TP63: variants seen among roughly 807,000 people sequenced by gnomAD.
TP63 encodes the protein tumor protein p63.
In TP63, 17 loss-of-function variants were observed where a neutral mutation model predicts 82.8. That is an observed-to-expected ratio of 0.21 (90% CI 0.14 to 0.31). TP63 has a LOEUF of 0.31. TP63 is among the 10% of genes least tolerant of loss of function. TP63 has a pLI of 1.00. For synonymous variants in TP63, 330 were observed against 321.7 expected (o/e 1.03, Z -0.28); for missense variants, 648 against 895.3 (o/e 0.72, Z 3.52).
At chr3:189,881,484 G>A (rs1719905925) in intron 10 of TP63, 1 of 985,180 alleles carries the variant, frequency 1.0e-6, no homozygotes, top group African/African-American at 1.7e-5. Flanking sequence ...ATAAACTTTT[G>A]CATCTTGGTT....
chr3:189,814,476 A>C (rs112656013), intron 4 of TP63, among the ~76,000 whole-genome samples: 2,999 of 152,254 alleles, frequency 0.02, 106 homozygotes, highest in African/African-American at 0.068. Context: ...ATAACAAGAT[A>C]ATTTTTACTT....
At chr3:189,798,278 C>T (rs980037351) in intron 3 of TP63, among the ~76,000 whole-genome samples, 3 of 152,086 alleles carry the variant, frequency 2.0e-5, no homozygotes, top group Non-Finnish European at 4.4e-5. Context: ...TCTATATGTT[C>T]TGCAGGTAAA....
At chr3:189,610,481 G>A in the TP63 span, among the ~76,000 whole-genome samples, 3 of 152,244 alleles carry the variant, frequency 2.0e-5, no homozygotes, top group Admixed American at 6.5e-5. Context: ...TTACTAAAAC[G>A]TAGCAAGAGT....
chr3:189,695,100 G>A (rs953262216), intron 1 of TP63, among the ~76,000 whole-genome samples: 6 of 151,808 alleles, frequency 4.0e-5, no homozygotes, highest in African/African-American at 1.5e-4. Flanking sequence ...ATCTTCTTGA[G>A]GGTAGAATAT....
chr3:189,724,791 G>T (rs1719649015), intron 1 of TP63, among the ~76,000 whole-genome samples: 1 of 152,164 alleles, frequency 6.6e-6, no homozygotes. Flanking sequence ...CCTTCGTGCT[G>T]AGCACTGTTC....
At chr3:189,710,142 A>C (rs1023701668) in intron 1 of TP63, among the ~76,000 whole-genome samples, 2 of 152,160 alleles carry the variant, frequency 1.3e-5, no homozygotes, top group African/African-American at 4.8e-5. Flanking sequence ...ATGTTAGGGA[A>C]AGGCGTGGGG....
chr3:189,752,430 C>G (rs1721890589), intron 3 of TP63, among the ~76,000 whole-genome samples: 1 of 152,200 alleles, frequency 6.6e-6, no homozygotes, highest in African/African-American at 2.4e-5. Flanking sequence ...ATCCTCCCAC[C>G]TCAGCCTCCC....
intron 3 of TP63, among the ~76,000 whole-genome samples, chr3:189,764,688 A>G (rs1051509117): frequency 2.0e-5 from 3 of 152,142 alleles, no homozygotes; most frequent in African/African-American, 7.2e-5. Context: ...AAATAGTTCT[A>G]ACTTCATTGT....
At chr3:189,776,335 C>T (rs527576594) in intron 3 of TP63, among the ~76,000 whole-genome samples, 1 of 152,246 alleles carries the variant, frequency 6.6e-6, no homozygotes, top group East Asian at 1.9e-4. Flanking sequence ...CCTCCAGAGA[C>T]GGAGACAGAG....
intron 10 of TP63, among the ~76,000 whole-genome samples, chr3:189,884,374 T>C (rs1304504806): frequency 6.6e-6 from 1 of 152,196 alleles, no homozygotes; most frequent in Admixed American, 6.5e-5. Flanking sequence ...TACTACTTCA[T>C]CTATTTCTTG....
chr3:189,608,943 A>G, the TP63 span, among the ~76,000 whole-genome samples: 5 of 102,748 alleles, frequency 4.9e-5, no homozygotes, highest in Non-Finnish European at 9.1e-5. Flanking sequence ...TACAAATTTA[A>G]TGCATGGGTA....
intron 1 of TP63, among the ~76,000 whole-genome samples, chr3:189,735,388 C>A (rs1720506524): frequency 6.6e-6 from 1 of 152,040 alleles, no homozygotes; most frequent in South Asian, 2.1e-4. Flanking sequence ...TTTCATATCC[C>A]TAGGTACTTA....
At chr3:189,740,435 A>ATT (rs1720897733) in intron 3 of TP63, among the ~76,000 whole-genome samples, 1 of 152,088 alleles carries the variant, frequency 6.6e-6, no homozygotes, top group East Asian at 1.9e-4. Context: ...AAGTTAAAGA[A>ATT]GTTAAAAAAT....
At chr3:189,736,237 GACATAGGCTTTTTAAAA>G (rs1224879201) in intron 1 of TP63, among the ~76,000 whole-genome samples, 8 of 150,982 alleles carry the variant, frequency 5.3e-5, no homozygotes, top group African/African-American at 1.7e-4. Context: ...CATAAGTACA[GACATAGGCTTTTTAAAA>G]ACATAGCATA....
At chr3:189,751,518 G>A (rs990520045) in intron 3 of TP63, among the ~76,000 whole-genome samples, 1 of 152,204 alleles carries the variant, frequency 6.6e-6, no homozygotes, top group Non-Finnish European at 1.5e-5. Context: ...CATTCTGACT[G>A]GTGTGAGATG....
chr3:189,787,986 G>A (rs1724750330), intron 3 of TP63, among the ~76,000 whole-genome samples: 1 of 151,940 alleles, frequency 6.6e-6, no homozygotes, highest in South Asian at 2.1e-4. Context: ...TACCTTTAAG[G>A]AAGTAACCAT....
At chr3:189,634,772 G>A (rs566780207) in intron 1 of TP63, among the ~76,000 whole-genome samples, 2 of 152,058 alleles carry the variant, frequency 1.3e-5, no homozygotes, top group South Asian at 4.2e-4. Context: ...ATTAATTTAT[G>A]AATAGAAACT....
chr3:189,735,011 T>C (rs1218261266), intron 1 of TP63, among the ~76,000 whole-genome samples: 1 of 152,164 alleles, frequency 6.6e-6, no homozygotes, highest in Non-Finnish European at 1.5e-5. Flanking sequence ...ACTAAAATAT[T>C]TTGAGGGTGT....
chr3:189,744,079 C>T (rs1050323908), intron 3 of TP63, among the ~76,000 whole-genome samples: 2 of 152,184 alleles, frequency 1.3e-5, no homozygotes, highest in Non-Finnish European at 1.5e-5. Context: ...TGGTGCCCAA[C>T]GGCCCATGCA....
Sources: allele counts gnomAD v4.1 joint callset (sites outside exome capture counted in the v4.1 genomes callset), GRCh38; gene constraint gnomAD v4.1.1; transcripts MANE v1.5; gene names NCBI Gene and HGNC (gene_info 2026-07-23, HGNC 2026-07-21).